Variants in TRIM9 observed in about 807,000 individuals in gnomAD.
TRIM9 encodes tripartite motif containing 9, also known as E3 ubiquitin-protein ligase TRIM9.
Under a neutral mutation model 78.3 loss-of-function variants are expected in TRIM9, and 26 were observed. That is an observed-to-expected ratio of 0.33 (90% CI 0.24 to 0.46). The LOEUF is 0.46. Ranked by LOEUF, TRIM9 falls within the 20% of genes least tolerant of loss-of-function variation. TRIM9 has a pLI of 1.00. For synonymous variants in TRIM9, 398 were observed against 416.5 expected, an observed-to-expected ratio of 0.96 and a Z score of 0.54; for missense variants, 787 against 1,036.4, an observed-to-expected ratio of 0.76 and a Z score of 3.30.
chr14:51,072,079 A>G (rs576647415), intron 1 of TRIM9, among the ~76,000 whole-genome samples: 1 of 152,196 alleles, frequency 6.6e-6, no homozygotes, highest in Non-Finnish European at 1.5e-5. Flanking sequence ...TGCTGTGTGC[A>G]GCAAAAAGGC....
intron 1 of TRIM9, among the ~76,000 whole-genome samples, chr14:51,049,703 G>A (rs560657437): frequency 2.0e-5 from 3 of 151,900 alleles, no homozygotes; most frequent in East Asian, 3.9e-4. Flanking sequence ...GTGGGTGCCT[G>A]TAATTCTAGC....
intron 11 of TRIM9, among the ~76,000 whole-genome samples, chr14:50,980,700 CAG>C (rs1271363727): frequency 2.0e-5 from 3 of 152,204 alleles, no homozygotes; most frequent in African/African-American, 7.2e-5. Flanking sequence ...AATCTATTGA[CAG>C]AGAGTTCCAC....
chr14:50,988,163 T>A (rs2052972301), intron 7 of TRIM9, among the ~76,000 whole-genome samples: 1 of 152,194 alleles, frequency 6.6e-6, no homozygotes, highest in Non-Finnish European at 1.5e-5. Flanking sequence ...GGTGTGACAG[T>A]CAATTCATGA....
intron 7 of TRIM9, among the ~76,000 whole-genome samples, chr14:50,987,051 A>G (rs1231417839): frequency 6.6e-6 from 1 of 152,224 alleles, no homozygotes; most frequent in Non-Finnish European, 1.5e-5. Flanking sequence ...GTCTAGTCAG[A>G]GGTGGATCTT....
At chr14:51,050,087 G>C (rs2060275533) in intron 1 of TRIM9, among the ~76,000 whole-genome samples, 2 of 152,112 alleles carry the variant, frequency 1.3e-5, no homozygotes, top group South Asian at 4.1e-4. Flanking sequence ...TGATTTACTA[G>C]TTACATACAA....
At chr14:51,041,922 A>G (rs893031534) in intron 1 of TRIM9, among the ~76,000 whole-genome samples, 11 of 152,244 alleles carry the variant, frequency 7.2e-5, no homozygotes, top group African/African-American at 1.9e-4. Flanking sequence ...AATAAACTGA[A>G]TTCCATGTAA....
At position 51,062,125 on chromosome 14, in the gene TRIM9, TTTTCA is replaced by T. The variant is rs1440770801; in HGVS notation, c.822+31988_822+31992del. On this transcript the variant is annotated intron_variant, in intron 1 of 12. Coordinates refer to ENST00000684578, the MANE Select transcript of TRIM9 (RefSeq NM_001387360.1). ...AAATTATTTATTTATGATATTGTGCTTTTCATTTCTAGTATTTACATTGGTTCTTT... is the reference window on the plus strand; with the variant it reads ...AAATTATTTATTTATGATATTGTGCTTTTCTAGTATTTACATTGGTTCTTT... 4.3e-5 allele frequency among the ~76,000 whole-genome samples: 5 copies of T among 114,944 alleles called. No homozygotes were observed. The Admixed American group carries it at 5.0e-4, about 11-fold the overall frequency. 75.4% of individuals were successfully genotyped at this position (114,944 alleles called of 152,430 possible). A position where few individuals can be genotyped will look rare whatever the true frequency, so the allele number is the denominator to read the frequency against.
intron 1 of TRIM9, chr14:51,090,670 C>T (rs956184517): frequency 1.2e-4 from 18 of 152,262 alleles, no homozygotes; most frequent in Non-Finnish European, 2.3e-4. Flanking sequence ...GATCCTGGCT[C>T]ACTGCAACCT....
intron 1 of TRIM9, among the ~76,000 whole-genome samples, chr14:51,057,722 C>A (rs772764716): frequency 3.9e-5 from 6 of 152,110 alleles, no homozygotes; most frequent in Non-Finnish European, 7.4e-5. Context: ...AAAATCATGG[C>A]CTTTTAATCT....
At position 50,982,800 on chromosome 14, in the gene TRIM9, C is replaced by T. The variant is rs548156220; in HGVS notation, c.1858+142G>A. 229 of 718,156 alleles carry T rather than the reference C, an allele frequency of 3.2e-4. 2 individuals carry two copies. Among genetic ancestry groups the T allele is most frequent in the South Asian group, 8.0e-4 (37 of 46,030 alleles). The allele number at this position is 718,156 out of a possible 1,614,324, so 44.5% of individuals were successfully genotyped here. ...GTGCAGATAGAATGATGTCTTTGTACGCATTGTTACGCCCCAAGTTCTAAA... is the reference window on the plus strand; with the variant it reads ...GTGCAGATAGAATGATGTCTTTGTATGCATTGTTACGCCCCAAGTTCTAAA... On this transcript the variant is annotated intron_variant, in intron 10 of 12. Coordinates refer to ENST00000684578, the MANE Select transcript of TRIM9 (RefSeq NM_001387360.1).
Position 51,026,871 on chromosome 14 carries a change from T to C in TRIM9, c.823-1511A>G, listed in dbSNP as rs144080030. Among the ~76,000 whole-genome samples, 686 of 152,314 alleles carry C rather than the reference T, an allele frequency of 4.5e-3. 7 individuals are homozygous for C. The highest frequency in any genetic ancestry group is 0.016 in the African/African-American group (658 of 41,572). On this transcript the variant is annotated intron_variant, in intron 1 of 12. Coordinates refer to ENST00000684578, the MANE Select transcript of TRIM9 (RefSeq NM_001387360.1). Reference sequence around the variant, plus strand: ...GGGAAGAACAGTAATACTTTGTAGTTGGGTTATTGTGAGGGTTGAATGCAT... The same window carrying C: ...GGGAAGAACAGTAATACTTTGTAGTCGGGTTATTGTGAGGGTTGAATGCAT...
chr14:51,075,461 T>A (rs55681440), intron 1 of TRIM9, among the ~76,000 whole-genome samples: 1 of 152,062 alleles, frequency 6.6e-6, no homozygotes, highest in Non-Finnish European at 1.5e-5. Context: ...GAAAATTATA[T>A]ACCAAAGATT....
intron 7 of TRIM9, chr14:50,997,373 T>C: frequency 1.0e-6 from 1 of 985,400 alleles, no homozygotes; most frequent in South Asian, 4.7e-5. Flanking sequence ...CTCGGTAGCC[T>C]AGCCAAGACT....
At chr14:51,005,424 G>C (rs1383712383) in intron 5 of TRIM9, among the ~76,000 whole-genome samples, 1 of 152,176 alleles carries the variant, frequency 6.6e-6, no homozygotes, top group Non-Finnish European at 1.5e-5. Flanking sequence ...TTTCGTCCTG[G>C]TTCAGAATGA....
chr14:51,093,824 G>T (rs566183485), intron 1 of TRIM9, among the ~76,000 whole-genome samples: 5 of 152,322 alleles, frequency 3.3e-5, no homozygotes, highest in East Asian at 1.9e-4. Flanking sequence ...GCCACTGGCT[G>T]CAGACCCGCC....
intron 3 of TRIM9, among the ~76,000 whole-genome samples, chr14:51,020,273 AGAGC>A (rs1477255676): frequency 6.6e-6 from 1 of 152,198 alleles, no homozygotes; most frequent in Non-Finnish European, 1.5e-5. Context: ...GGGGGAGAGG[AGAGC>A]GAGCGAGCCG....
At chr14:50,981,730 T>C in intron 11 of TRIM9, 70 bp downstream of exon 11, 1 of 1,587,322 alleles carries the variant, frequency 6.3e-7, no homozygotes, top group Non-Finnish European at 8.6e-7. Context: ...TAATAGGTTT[T>C]TGAACTGGGG....
chr14:51,085,753 G>A (rs1257500324), intron 1 of TRIM9, among the ~76,000 whole-genome samples: 2 of 152,112 alleles, frequency 1.3e-5, no homozygotes, highest in African/African-American at 2.4e-5. Flanking sequence ...TTTTTGGTCT[G>A]TAATTATTAA....
chr14:51,043,562 G>A (rs1315407008), intron 1 of TRIM9, among the ~76,000 whole-genome samples: 1 of 152,238 alleles, frequency 6.6e-6, no homozygotes, highest in Non-Finnish European at 1.5e-5. Flanking sequence ...CCAACTCTGA[G>A]GGACTAGGGG....
Sources: allele counts gnomAD v4.1 joint callset (sites outside exome capture counted in the v4.1 genomes callset), GRCh38; gene constraint gnomAD v4.1.1; transcripts MANE v1.5; gene names NCBI Gene and HGNC (gene_info 2026-07-23, HGNC 2026-07-21).